PRKN: variants seen among roughly 807,000 people sequenced by gnomAD.
PRKN encodes parkin RBR E3 ubiquitin protein ligase, also known as E3 ubiquitin-protein ligase parkin.
PRKN carries 56 observed loss-of-function variants against 59.5 expected under a neutral mutation model. The ratio of observed to expected loss-of-function variants is 0.94; its 90% CI spans 0.76 to 1.18. The LOEUF is 1.18. Among genes scored for constraint, PRKN ranks in the 50% most tolerant of loss-of-function variants. The probability of loss-of-function intolerance (pLI) is 0.00; values close to 1 mark genes in which losing one functional copy is unlikely to be tolerated. For synonymous variants in PRKN, 250 were observed against 222.1 expected, an observed-to-expected ratio of 1.13 and a Z score of -1.12; for missense variants, 657 against 596.4, an observed-to-expected ratio of 1.10 and a Z score of -1.06.
intron 2 of PRKN, among the ~76,000 whole-genome samples, chr6:162,268,321 T>G (rs951850296): frequency 9.9e-5 from 15 of 152,260 alleles, no homozygotes; most frequent in African/African-American, 3.4e-4. Flanking sequence ...ATTAGTGCCC[T>G]TATAAGGCAG....
intron 2 of PRKN, among the ~76,000 whole-genome samples, chr6:162,371,043 A>G (rs1785737235): frequency 1.3e-5 from 2 of 152,222 alleles, no homozygotes; most frequent in Non-Finnish European, 2.9e-5. Flanking sequence ...TCCTGACCCA[A>G]GTCAAAGCCA....
chr6:162,135,270 G>A (rs6920356), intron 4 of PRKN, among the ~76,000 whole-genome samples: 2,017 of 152,164 alleles, frequency 0.013, 55 homozygotes, highest in African/African-American at 0.045. Flanking sequence ...CCAAAGTGCT[G>A]AGATTACAGG....
At chr6:161,966,514 C>G (rs1010291995) in intron 6 of PRKN, among the ~76,000 whole-genome samples, 2 of 152,112 alleles carry the variant, frequency 1.3e-5, no homozygotes, top group East Asian at 1.9e-4. Context: ...CTTAGGCACC[C>G]AAAAAAGTCC....
intron 7 of PRKN, among the ~76,000 whole-genome samples, chr6:161,662,984 T>C (rs1260286163): frequency 1.3e-5 from 2 of 152,144 alleles, no homozygotes; most frequent in Non-Finnish European, 2.9e-5. Flanking sequence ...AAGTGAATCA[T>C]AGGGGTGGGT....
intron 7 of PRKN, among the ~76,000 whole-genome samples, chr6:161,710,766 T>C (rs1028696734): frequency 2.6e-5 from 4 of 152,116 alleles, no homozygotes; most frequent in African/African-American, 9.7e-5. Context: ...TGAATGTGCC[T>C]GCCTGCTTAA....
intron 3 of PRKN, among the ~76,000 whole-genome samples, chr6:162,205,376 T>C (rs1583195615): frequency 1.3e-5 from 2 of 152,190 alleles, no homozygotes; most frequent in Admixed American, 6.5e-5. Flanking sequence ...TTTTCTTTTA[T>C]GTATTTTAGA....
intron 6 of PRKN, among the ~76,000 whole-genome samples, chr6:161,802,348 T>C (rs1168344788): frequency 6.6e-6 from 1 of 151,914 alleles, no homozygotes; most frequent in Non-Finnish European, 1.5e-5. Flanking sequence ...CTCGCTGTGA[T>C]CCAGGCTCAG....
intron 5 of PRKN, among the ~76,000 whole-genome samples, chr6:162,018,167 C>T (rs1227319779): frequency 1.3e-5 from 2 of 152,182 alleles, no homozygotes; most frequent in South Asian, 2.1e-4. Flanking sequence ...GCTGAGACTA[C>T]AGGCGCCCAT....
chr6:162,350,483 AAATAGATC>A (rs1784578494), intron 2 of PRKN, among the ~76,000 whole-genome samples: 1 of 152,220 alleles, frequency 6.6e-6, no homozygotes, highest in African/African-American at 2.4e-5. Flanking sequence ...AGATACAGAC[AAATAGATC>A]AATAGAACAG....
At chr6:162,099,587 A>G (rs908810954) in intron 4 of PRKN, among the ~76,000 whole-genome samples, 2 of 152,224 alleles carry the variant, frequency 1.3e-5, no homozygotes, top group East Asian at 3.9e-4. Context: ...AGTATAATAC[A>G]TGTATGTCTT....
intron 10 of PRKN, among the ~76,000 whole-genome samples, chr6:161,382,331 G>A (rs974786128): frequency 1.3e-5 from 2 of 152,056 alleles, no homozygotes; most frequent in Non-Finnish European, 2.9e-5. Flanking sequence ...AGGAGGCATG[G>A]TTGGTAGGCA....
At chr6:161,758,812 C>T (rs564269917) in intron 7 of PRKN, among the ~76,000 whole-genome samples, 1 of 152,326 alleles carries the variant, frequency 6.6e-6, no homozygotes, top group South Asian at 2.1e-4. Context: ...AGTCTCAGGT[C>T]TGTCTGAGTA....
chr6:162,164,855 C>T (rs1051430195), intron 4 of PRKN, among the ~76,000 whole-genome samples: 3 of 148,774 alleles, frequency 2.0e-5, no homozygotes, highest in Non-Finnish European at 4.5e-5. Context: ...AATGGTAATA[C>T]TAATTTTTAC....
intron 4 of PRKN, among the ~76,000 whole-genome samples, chr6:162,154,004 G>A (rs1043731220): frequency 6.6e-6 from 1 of 152,182 alleles, no homozygotes; most frequent in Admixed American, 6.5e-5. Context: ...TGGGCCATGG[G>A]TTCAGGCTTT....
intron 4 of PRKN, among the ~76,000 whole-genome samples, chr6:162,150,831 C>T (rs1024722850): frequency 6.6e-6 from 1 of 152,028 alleles, no homozygotes; most frequent in Non-Finnish European, 1.5e-5. Flanking sequence ...AGGAAACTGT[C>T]CAGTGTTATT....
intron 2 of PRKN, among the ~76,000 whole-genome samples, chr6:162,337,895 C>G (rs781707493): frequency 3.9e-5 from 6 of 152,020 alleles, no homozygotes; most frequent in Non-Finnish European, 7.4e-5. Context: ...CAAACTACTT[C>G]TAATAGCAAA....
chr6:162,662,888 T>C (rs1030292033), intron 1 of PRKN, among the ~76,000 whole-genome samples: 1 of 152,092 alleles, frequency 6.6e-6, no homozygotes, highest in African/African-American at 2.4e-5. Context: ...TGTTGCACAC[T>C]GTAGAGATTT....
chr6:162,366,746 A>G (rs1785459512), intron 2 of PRKN, among the ~76,000 whole-genome samples: 1 of 152,064 alleles, frequency 6.6e-6, no homozygotes, highest in Non-Finnish European at 1.5e-5. Context: ...CCTCTATAAA[A>G]AATACAAAAT....
In PRKN at chr6:161,504,957, C is replaced by T. The variant is rs962172497; in HGVS notation, c.1083+43897G>A. Among the ~76,000 whole-genome samples, 189 of 145,850 alleles carry T rather than the reference C, an allele frequency of 1.3e-3. 1 individual carries two copies. Among genetic ancestry groups the T allele is most frequent in the Non-Finnish European group, 2.3e-3 (151 of 66,226 alleles). ...CATTTGGGTTGGTTCCAAGTCTTTG[C>T]TATTGTGAATAGTGCTGCAATAAAC... On this transcript the variant is annotated intron_variant, in intron 9 of 11. Transcript: ENST00000366898.
Sources: gnomAD v4.1 joint callset for allele counts (sites outside exome capture counted in the v4.1 genomes callset) on GRCh38, gnomAD v4.1.1 for gene constraint, MANE v1.5 for transcripts, NCBI Gene and HGNC (gene_info 2026-07-23, HGNC 2026-07-21) for gene names.